The following EYA2 variants were observed in gnomAD, a reference collection of about 807,000 sequenced individuals.
EYA2 encodes protein phosphatase EYA2.
EYA2 carries 31 observed loss-of-function variants against 69.2 expected under a neutral mutation model. The ratio of observed to expected loss-of-function variants is 0.45; its 90% CI spans 0.34 to 0.60. The LOEUF (loss-of-function observed/expected upper bound fraction) is 0.60, where lower values mean the gene tolerates loss of function less well. Among genes scored for constraint, EYA2 ranks in the 20% least tolerant of loss-of-function variants. The pLI is 0.02. For synonymous variants in EYA2, 257 were observed against 279.4 expected (o/e 0.92, Z 0.80); for missense variants, 622 against 701.2 (o/e 0.89, Z 1.28).
At chr20:47,064,758 T>C (rs2031045281) in intron 5 of EYA2, among the ~76,000 whole-genome samples, 1 of 152,182 alleles carries the variant, frequency 6.6e-6, no homozygotes, top group African/African-American at 2.4e-5. Flanking sequence ...CACTCTGAGT[T>C]TCTGTAAACT....
intron 12 of EYA2, among the ~76,000 whole-genome samples, chr20:47,176,452 G>C (rs1485168757): frequency 1.3e-5 from 2 of 152,146 alleles, no homozygotes; most frequent in Non-Finnish European, 2.9e-5. Flanking sequence ...AGAGCCCAGC[G>C]TGGGCAGTGG....
At chr20:47,047,890 T>A (rs527261783) in intron 5 of EYA2, among the ~76,000 whole-genome samples, 1 of 150,996 alleles carries the variant, frequency 6.6e-6, no homozygotes, top group African/African-American at 2.4e-5. Flanking sequence ...CTGCCCGCAT[T>A]CCTTGGCTTG....
intron 1 of EYA2, among the ~76,000 whole-genome samples, chr20:46,941,362 C>G (rs1048566040): frequency 6.6e-6 from 1 of 152,202 alleles, no homozygotes; most frequent in South Asian, 2.1e-4. Flanking sequence ...AACGAAACTC[C>G]TAAGTCGATT....
intron 1 of EYA2, among the ~76,000 whole-genome samples, chr20:46,984,707 A>G (rs1299574603): frequency 6.6e-6 from 1 of 152,262 alleles, no homozygotes; most frequent in Non-Finnish European, 1.5e-5. Flanking sequence ...CATATACTCC[A>G]TAACACAGAA....
At chr20:47,044,140 G>A (rs1036692302) in intron 5 of EYA2, among the ~76,000 whole-genome samples, 1 of 152,156 alleles carries the variant, frequency 6.6e-6, no homozygotes, top group Admixed American at 6.5e-5. Flanking sequence ...ACTCCAGGGG[G>A]CACCATTCAC....
intron 10 of EYA2, chr20:47,161,713 C>G (rs1488099583): frequency 5.2e-6 from 1 of 193,250 alleles, no homozygotes; most frequent in South Asian, 8.9e-5. Context: ...CCCCCAAAAC[C>G]GGATGTTTTC....
intron 8 of EYA2, chr20:47,095,811 C>G (rs1462257008): frequency 6.6e-6 from 1 of 152,130 alleles, no homozygotes; most frequent in Non-Finnish European, 1.5e-5. Flanking sequence ...TGTACCATTT[C>G]AGGAAAAGCA....
At chr20:46,920,433 G>A (rs1412289975) in intron 1 of EYA2, among the ~76,000 whole-genome samples, 1 of 152,118 alleles carries the variant, frequency 6.6e-6, no homozygotes. Flanking sequence ...ATCTTTTTAT[G>A]ACTAAAATTT....
chr20:47,183,443 C>A, intron 15 of EYA2, 52 bp downstream of exon 15: 1 of 1,549,036 alleles, frequency 6.5e-7, no homozygotes, highest in Non-Finnish European at 8.9e-7. Context: ...GAGCACCCCT[C>A]GTGGTCTTCA....
At chr20:46,968,496 C>G (rs1460112976) in intron 1 of EYA2, among the ~76,000 whole-genome samples, 2 of 152,158 alleles carry the variant, frequency 1.3e-5, no homozygotes, top group Admixed American at 6.5e-5. Context: ...TAACCGTCAC[C>G]CTATACTGCC....
At chr20:46,956,174 C>T (rs1979115094) in intron 1 of EYA2, among the ~76,000 whole-genome samples, 1 of 152,162 alleles carries the variant, frequency 6.6e-6, no homozygotes. Flanking sequence ...GGAAGAATCA[C>T]TGATTGTTTT....
rs541074452 is a variant in EYA2, at chr20:47,105,868, CA to C, written c.888+8706del. On this transcript the variant is annotated intron_variant, in intron 9 of 15. Coordinates refer to ENST00000327619, the MANE Select transcript of EYA2 (RefSeq NM_005244.5). ...ATATTTTACAAATCAAAATTGATGCCAAAAAATCGATCATGAAAGAAAATCA... is the reference window on the plus strand; with the variant it reads ...ATATTTTACAAATCAAAATTGATGCCAAAAATCGATCATGAAAGAAAATCA... Among the ~76,000 whole-genome samples the C allele has an allele frequency of 2.2e-3, 341 of 152,062 alleles. 1 individual carries two copies. Among genetic ancestry groups the C allele is most frequent in the African/African-American group, 7.9e-3 (327 of 41,476 alleles).
intron 10 of EYA2, among the ~76,000 whole-genome samples, chr20:47,165,087 T>A (rs1348600716): frequency 6.6e-6 from 1 of 152,228 alleles, no homozygotes; most frequent in Non-Finnish European, 1.5e-5. Flanking sequence ...GAAGTAGGAC[T>A]AAAGAACTGA....
chr20:46,924,954 T>C (rs1257269749), intron 1 of EYA2, among the ~76,000 whole-genome samples: 2 of 152,206 alleles, frequency 1.3e-5, no homozygotes, highest in African/African-American at 4.8e-5. Context: ...CCAGAGAGCC[T>C]GCAAGGTGTT....
At chr20:46,928,655 G>A (rs1301630440) in intron 1 of EYA2, among the ~76,000 whole-genome samples, 1 of 152,238 alleles carries the variant, frequency 6.6e-6, no homozygotes, top group Non-Finnish European at 1.5e-5. Flanking sequence ...CTGTTGCAAA[G>A]ATGAGAGTTA....
At chr20:47,035,381 C>T (rs1984640953) in intron 5 of EYA2, among the ~76,000 whole-genome samples, 1 of 152,176 alleles carries the variant, frequency 6.6e-6, no homozygotes, top group African/African-American at 2.4e-5. Context: ...TCTTCCCAGC[C>T]ACCCCCTCCC....
intron 10 of EYA2, among the ~76,000 whole-genome samples, chr20:47,152,164 G>C (rs2033835348): frequency 6.6e-6 from 1 of 151,862 alleles, no homozygotes; most frequent in Admixed American, 6.6e-5. Flanking sequence ...TCCATTTACT[G>C]CATTTTCTTC....
chr20:46,924,609 G>T (rs1325436272), intron 1 of EYA2, among the ~76,000 whole-genome samples: 1 of 145,066 alleles, frequency 6.9e-6, no homozygotes, highest in East Asian at 2.1e-4. Context: ...GGCGGAGCTT[G>T]CAGTGAGCCG....
intron 6 of EYA2, 95 bp from the exon 7 acceptor site, chr20:47,074,063 A>T (rs543604342): frequency 2.5e-6 from 3 of 1,207,300 alleles, no homozygotes; most frequent in African/African-American, 3.1e-5. Flanking sequence ...GAGAGCTTTT[A>T]TTCTAATGGT....
Sources: gnomAD v4.1 joint callset for allele counts (sites outside exome capture counted in the v4.1 genomes callset) on GRCh38, gnomAD v4.1.1 for gene constraint, MANE v1.5 for transcripts, NCBI Gene and HGNC (gene_info 2026-07-23, HGNC 2026-07-21) for gene names.